DEPTOR: variants seen among roughly 807,000 people sequenced by gnomAD.
The protein encoded by DEPTOR is DEP domain-containing mTOR-interacting protein.
DEPTOR carries 41 observed loss-of-function variants against 41.6 expected under a neutral mutation model. The ratio of observed to expected loss-of-function variants is 0.98; its 90% CI spans 0.77 to 1.28. The LOEUF (loss-of-function observed/expected upper bound fraction) is 1.28, where lower values mean the gene tolerates loss of function less well. Ranked by LOEUF, DEPTOR falls within the 50% of genes most tolerant of loss-of-function variation. The pLI is 0.00. For missense variants in DEPTOR, 514 were observed against 527.9 expected, an observed-to-expected ratio of 0.97 and a Z score of 0.26; for synonymous variants, 195 against 192.3, an observed-to-expected ratio of 1.01 and a Z score of -0.12.
chr8:119,961,301 A>G (rs1828487913), intron 3 of DEPTOR, among the ~76,000 whole-genome samples: 2 of 151,808 alleles, frequency 1.3e-5, no homozygotes, highest in South Asian at 2.1e-4. Flanking sequence ...CTGTTATCCC[A>G]GCTACTTGGG....
At chr8:119,968,399 C>T (rs927897040) in intron 4 of DEPTOR, among the ~76,000 whole-genome samples, 8 of 151,582 alleles carry the variant, frequency 5.3e-5, no homozygotes, top group African/African-American at 1.9e-4. Flanking sequence ...CTGCCACCTC[C>T]ACTTCCCAGG....
At chr8:119,915,830 T>A (rs1470878302) in intron 1 of DEPTOR, among the ~76,000 whole-genome samples, 1 of 152,046 alleles carries the variant, frequency 6.6e-6, no homozygotes, top group Admixed American at 6.6e-5. Flanking sequence ...TTTTCTCTGC[T>A]TTGACTTACC....
chr8:119,968,352 T>A (rs577982805), intron 4 of DEPTOR, among the ~76,000 whole-genome samples: 1 of 152,050 alleles, frequency 6.6e-6, no homozygotes, highest in East Asian at 1.9e-4. Context: ...TTTGGGACAG[T>A]TACTGCTCTG....
At chr8:119,948,310 G>C (rs1220134642) in intron 3 of DEPTOR, among the ~76,000 whole-genome samples, 1 of 152,158 alleles carries the variant, frequency 6.6e-6, no homozygotes, top group African/African-American at 2.4e-5. Context: ...TCCTTGGGAG[G>C]CTGAGGCAGG....
chr8:119,886,667 T>C (rs1051640232), intron 1 of DEPTOR, among the ~76,000 whole-genome samples: 3 of 152,232 alleles, frequency 2.0e-5, no homozygotes, highest in African/African-American at 7.2e-5. Flanking sequence ...CTAGTACATG[T>C]TGTTTTGAGA....
chr8:119,910,813 G>C (rs796649472), intron 1 of DEPTOR, among the ~76,000 whole-genome samples: 50 of 152,292 alleles, frequency 3.3e-4, no homozygotes, highest in African/African-American at 1.2e-3. Context: ...TTTGATGTCT[G>C]CATTGAGTAC....
At chr8:120,041,863 A>G (rs1813078153) in intron 8 of DEPTOR, among the ~76,000 whole-genome samples, 1 of 152,080 alleles carries the variant, frequency 6.6e-6, no homozygotes, top group African/African-American at 2.4e-5. Flanking sequence ...TCCAGTGCCC[A>G]CTTGCTTGGA....
intron 4 of DEPTOR, among the ~76,000 whole-genome samples, chr8:119,985,873 T>A (rs1178255674): frequency 7.8e-6 from 1 of 127,866 alleles, no homozygotes; most frequent in Admixed American, 9.0e-5. Context: ...TGCTTTCCAT[T>A]TGCTTGGTAA....
intron 4 of DEPTOR, among the ~76,000 whole-genome samples, chr8:119,992,283 G>T (rs888061802): frequency 6.6e-6 from 1 of 152,174 alleles, no homozygotes; most frequent in African/African-American, 2.4e-5. Context: ...GCTAGTGAGG[G>T]TCTTATGTCT....
At chr8:120,026,596 G>T (rs927937150) in intron 8 of DEPTOR, among the ~76,000 whole-genome samples, 2 of 152,028 alleles carry the variant, frequency 1.3e-5, no homozygotes, top group African/African-American at 4.8e-5. Flanking sequence ...ACCCACCTCA[G>T]CCTCCCAAAG....
At chr8:119,921,242 G>T (rs1397899133) in intron 1 of DEPTOR, among the ~76,000 whole-genome samples, 1 of 152,162 alleles carries the variant, frequency 6.6e-6, no homozygotes, top group African/African-American at 2.4e-5. Context: ...CTCCCAAAGT[G>T]CTGGGATTAC....
chr8:119,914,596 C>G (rs1483779510), intron 1 of DEPTOR, among the ~76,000 whole-genome samples: 3 of 151,652 alleles, frequency 2.0e-5, no homozygotes, highest in Admixed American at 2.0e-4. Context: ...CTTGCCACCA[C>G]GCCAGGCTAA....
intron 3 of DEPTOR, among the ~76,000 whole-genome samples, chr8:119,963,568 C>G (rs923252973): frequency 1.3e-5 from 2 of 152,098 alleles, no homozygotes; most frequent in African/African-American, 2.4e-5. Flanking sequence ...CCAGGCTAAT[C>G]TCAAACCCCT....
chr8:119,874,366 A>G, intron 1 of DEPTOR: 1 of 240,946 alleles, frequency 4.2e-6, no homozygotes, highest in South Asian at 5.3e-5. Flanking sequence ...TGGGGTCCCG[A>G]GGCGACCCCA....
rs1446111391 is a variant in DEPTOR at position 119,972,148 on chromosome 8, A to T, written c.604+6738A>T. On this transcript the variant is annotated intron_variant, in intron 4 of 8. Coordinates refer to ENST00000286234, the MANE Select transcript of DEPTOR (RefSeq NM_022783.4). ...ACTTGGCAAAAGCTTTTAACACAGC[A>T]TCTACCTCTTATGGCCCTCAAATGC... Among the ~76,000 whole-genome samples, 3 of 152,220 alleles carry T rather than the reference A, an allele frequency of 2.0e-5. No individual in the cohort carries two copies. In the East Asian group the frequency reaches 5.8e-4, roughly 29 times the overall value.
intron 4 of DEPTOR, among the ~76,000 whole-genome samples, chr8:119,987,095 TGGA>T (rs1331670204): frequency 2.0e-5 from 3 of 152,122 alleles, no homozygotes; most frequent in Non-Finnish European, 4.4e-5. Context: ...TGTGATCCTT[TGGA>T]GGAGAAGGGG....
chr8:119,956,381 C>T (rs1274743556), intron 3 of DEPTOR, among the ~76,000 whole-genome samples: 2 of 152,190 alleles, frequency 1.3e-5, no homozygotes, highest in Non-Finnish European at 2.9e-5. Context: ...TGATCCAATC[C>T]AGGCAGGCAT....
intron 4 of DEPTOR, among the ~76,000 whole-genome samples, chr8:119,999,653 G>A (rs752757226): frequency 6.6e-6 from 1 of 152,302 alleles, no homozygotes; most frequent in Admixed American, 6.5e-5. Context: ...ATAAAGTATA[G>A]ATTTCCTTAG....
At chr8:119,987,682 A>G (rs1039178797) in intron 4 of DEPTOR, among the ~76,000 whole-genome samples, 8 of 152,256 alleles carry the variant, frequency 5.3e-5, no homozygotes, top group South Asian at 4.1e-4. Context: ...AGTTTTATCT[A>G]TAAGTCCCTG....
Sources: allele counts gnomAD v4.1 joint callset (sites outside exome capture counted in the v4.1 genomes callset), GRCh38; gene constraint gnomAD v4.1.1; transcripts MANE v1.5; gene names NCBI Gene and HGNC (gene_info 2026-07-23, HGNC 2026-07-21).